SPAG16: variants seen among roughly 807,000 people sequenced by gnomAD.
SPAG16 encodes sperm associated antigen 16.
Under a neutral mutation model 80.4 loss-of-function variants are expected in SPAG16, and 86 were observed. The ratio of observed to expected loss-of-function variants is 1.07; its 90% CI spans 0.90 to 1.28. The LOEUF (loss-of-function observed/expected upper bound fraction) is 1.28. SPAG16 is among the 50% of genes most tolerant of loss of function. The pLI, the probability that SPAG16 is intolerant of heterozygous loss-of-function variation, is 0.00. For missense variants in SPAG16, 870 were observed against 765.3 expected (o/e 1.14, Z -1.61); for synonymous variants, 294 against 265.9 (o/e 1.11, Z -1.03).
intron 10 of SPAG16, among the ~76,000 whole-genome samples, chr2:213,597,433 C>T (rs2060920020): frequency 6.6e-6 from 1 of 152,038 alleles, no homozygotes; most frequent in Admixed American, 6.5e-5. Context: ...GTTCTACAAA[C>T]AACAACATTT....
At chr2:213,519,176 G>A (rs1201070788) in intron 10 of SPAG16, among the ~76,000 whole-genome samples, 1 of 152,036 alleles carries the variant, frequency 6.6e-6, no homozygotes, top group African/African-American at 2.4e-5. Context: ...TCTAAAAAAA[G>A]GTAGCTATAA....
chr2:213,709,285 C>T (rs538345702), intron 10 of SPAG16, among the ~76,000 whole-genome samples: 2 of 152,160 alleles, frequency 1.3e-5, no homozygotes, highest in Middle Eastern at 6.8e-3. Context: ...GTAACAGGTG[C>T]AATGGAAAAG....
chr2:214,383,257 T>C (rs945541086), intron 15 of SPAG16, among the ~76,000 whole-genome samples: 2 of 151,864 alleles, frequency 1.3e-5, no homozygotes. Context: ...GTCTAAGAAA[T>C]CAAAAGAGGC....
At chr2:214,107,848 A>C (rs960249742) in intron 13 of SPAG16, among the ~76,000 whole-genome samples, 1 of 152,168 alleles carries the variant, frequency 6.6e-6, no homozygotes, top group Non-Finnish European at 1.5e-5. Context: ...GCTGAAAATA[A>C]CAGCTTTCTA....
At position 213,910,690 on chromosome 2, in the gene SPAG16, G is replaced by A. The variant is rs1347840554; in HGVS notation, c.1215-19270G>A. ...GTTTTAGTAGAGACAGGGTTTCACCGTGTTAGCCAGAATGGTCTCGATCTC... is the reference window on the plus strand; with the variant it reads ...GTTTTAGTAGAGACAGGGTTTCACCATGTTAGCCAGAATGGTCTCGATCTC... On this transcript the variant is annotated intron_variant, in intron 11 of 15. Transcript: ENST00000331683. 2.0e-4 allele frequency among the ~76,000 whole-genome samples: 8 copies of A among 39,028 alleles called. 1 individual carries two copies. Among genetic ancestry groups the A allele is most frequent in the East Asian group, 7.3e-4 (1 of 1,370 alleles). The allele number at this position is 39,028 out of a possible 152,430, so 25.6% of individuals were successfully genotyped here.
intron 11 of SPAG16, among the ~76,000 whole-genome samples, chr2:213,894,987 CAAAAAAAAAAA>C (rs71063793): frequency 1.0e-4 from 5 of 49,286 alleles, no homozygotes; most frequent in Non-Finnish European, 1.6e-4. Context: ...GGCTCCATCT[CAAAAAAAAAAA>C]AAAAAAAAAA....
At chr2:213,708,474 G>T (rs2065848636) in intron 10 of SPAG16, among the ~76,000 whole-genome samples, 2 of 152,136 alleles carry the variant, frequency 1.3e-5, no homozygotes, top group East Asian at 3.9e-4. Context: ...AGTCGAGGCG[G>T]GTAGATCACC....
chr2:213,436,870 T>G (rs575731634), intron 9 of SPAG16, among the ~76,000 whole-genome samples: 1 of 152,314 alleles, frequency 6.6e-6, no homozygotes, highest in East Asian at 1.9e-4. Context: ...AGTGTTTTAA[T>G]TCTCAGTATA....
intron 13 of SPAG16, among the ~76,000 whole-genome samples, chr2:214,041,492 A>G (rs1361717748): frequency 6.7e-6 from 1 of 150,278 alleles, no homozygotes; most frequent in Non-Finnish European, 1.5e-5. Context: ...TGTCCTATGT[A>G]GTCAGTGTGA....
intron 10 of SPAG16, among the ~76,000 whole-genome samples, chr2:213,797,484 T>A (rs1474657804): frequency 6.6e-6 from 1 of 152,212 alleles, no homozygotes; most frequent in African/African-American, 2.4e-5. Context: ...AATACCATTG[T>A]GTTACAATGC....
intron 15 of SPAG16, among the ~76,000 whole-genome samples, chr2:214,242,030 A>C (rs1689533451): frequency 6.6e-6 from 1 of 152,236 alleles, no homozygotes; most frequent in African/African-American, 2.4e-5. Context: ...ATTAGTCAGC[A>C]CTTGGAAAAC....
intron 15 of SPAG16, chr2:214,240,315 A>C (rs894733803): frequency 2.6e-5 from 4 of 152,206 alleles, no homozygotes; most frequent in African/African-American, 9.6e-5. Context: ...AAATAATTCA[A>C]ATGCTAAGTG....
chr2:213,338,527 A>G (rs2064502383), intron 5 of SPAG16, among the ~76,000 whole-genome samples: 1 of 152,210 alleles, frequency 6.6e-6, no homozygotes, highest in African/African-American at 2.4e-5. Flanking sequence ...TACCCAAAGG[A>G]ATATAAATCA....
Position 214,138,112 on chromosome 2 carries a change from T to C in SPAG16, c.1594-11028T>C, listed in dbSNP as rs552714841. 6.6e-5 allele frequency among the ~76,000 whole-genome samples: 10 copies of C among 152,242 alleles called. No individual in the cohort carries two copies. The East Asian group carries it at 1.9e-3, about 29-fold the overall frequency. ...ACAGGAGAAAAGCACACAAGTTTTA[T>C]TAATTTTACATTTACATGAGGATTT... On this transcript the variant is annotated intron_variant, in intron 14 of 15. Coordinates refer to ENST00000331683, the MANE Select transcript of SPAG16 (RefSeq NM_024532.5).
At chr2:214,304,311 C>T (rs1694768125) in intron 15 of SPAG16, among the ~76,000 whole-genome samples, 1 of 152,210 alleles carries the variant, frequency 6.6e-6, no homozygotes, top group South Asian at 2.1e-4. Flanking sequence ...AACACCCACA[C>T]TGGAAGGTTG....
intron 13 of SPAG16, among the ~76,000 whole-genome samples, chr2:214,067,272 G>T (rs1489627925): frequency 6.6e-6 from 1 of 152,064 alleles, no homozygotes; most frequent in African/African-American, 2.4e-5. Flanking sequence ...TCAATAATTA[G>T]GTTGTTTCTT....
intron 15 of SPAG16, among the ~76,000 whole-genome samples, chr2:214,338,977 TTGATATTTATAAA>T (rs755648734): frequency 3.3e-5 from 5 of 152,234 alleles, no homozygotes; most frequent in African/African-American, 4.8e-5. Context: ...GTCTTCATTT[TTGATATTTATAAA>T]TGATATTTCT....
chr2:213,742,995 C>G (rs1413788458), intron 10 of SPAG16, among the ~76,000 whole-genome samples: 2 of 152,068 alleles, frequency 1.3e-5, no homozygotes, highest in African/African-American at 4.8e-5. Flanking sequence ...GCTCCACCTC[C>G]CGCGTTCACG....
At chr2:213,558,888 A>G (rs1260836922) in intron 10 of SPAG16, among the ~76,000 whole-genome samples, 1 of 152,148 alleles carries the variant, frequency 6.6e-6, no homozygotes, top group Non-Finnish European at 1.5e-5. Context: ...CTTTCCTGAG[A>G]TGTTTCAATG....
Sources: allele counts gnomAD v4.1 joint callset (sites outside exome capture counted in the v4.1 genomes callset), GRCh38; gene constraint gnomAD v4.1.1; transcripts MANE v1.5; gene names NCBI Gene and HGNC (gene_info 2026-07-23, HGNC 2026-07-21).